The following SORCS3 variants were observed in gnomAD, a reference collection of about 807,000 sequenced individuals.
The protein encoded by SORCS3 is sortilin related VPS10 domain containing receptor 3, also known as VPS10 domain-containing receptor SorCS3.
SORCS3 carries 57 observed loss-of-function variants against 146.3 expected under a neutral mutation model. The observed-to-expected ratio is 0.39, with a 90% CI of 0.31 to 0.49. SORCS3 has a LOEUF of 0.49. Ranked by LOEUF, SORCS3 falls within the 20% of genes least tolerant of loss-of-function variation. The pLI, the probability that SORCS3 is intolerant of heterozygous loss-of-function variation, is 0.92. For synonymous variants in SORCS3, 653 were observed against 618.5 expected, an observed-to-expected ratio of 1.06 and a Z score of -0.83; for missense variants, 1,341 against 1,575.5, an observed-to-expected ratio of 0.85 and a Z score of 2.52.
chr10:104,947,431 T>A (rs956071261), intron 3 of SORCS3, among the ~76,000 whole-genome samples: 9 of 152,110 alleles, frequency 5.9e-5, no homozygotes, highest in Non-Finnish European at 1.3e-4. Flanking sequence ...TTCATTCTCT[T>A]TCCTCTTGGG....
chr10:105,047,597 C>G (rs2055381971), intron 5 of SORCS3, among the ~76,000 whole-genome samples: 1 of 152,066 alleles, frequency 6.6e-6, no homozygotes, highest in African/African-American at 2.4e-5. Context: ...AAGAAGACAA[C>G]AGACATACTA....
chr10:104,794,363 T>C (rs978269227), intron 1 of SORCS3, among the ~76,000 whole-genome samples: 37 of 152,036 alleles, frequency 2.4e-4, no homozygotes, highest in African/African-American at 8.7e-4. Context: ...CTTTTTCTAT[T>C]ATGAAGCCAA....
intron 2 of SORCS3, among the ~76,000 whole-genome samples, chr10:104,865,426 T>A (rs929940762): frequency 2.6e-5 from 4 of 152,202 alleles, no homozygotes; most frequent in African/African-American, 9.7e-5. Context: ...CTATAAGTCA[T>A]CAAGTCTCCT....
rs2054999868 is a variant in SORCS3, at chr10:104,992,417, G to T, written c.954+14924G>T. 2.6e-5 allele frequency among the ~76,000 whole-genome samples: 4 copies of T among 152,318 alleles called. No homozygotes were observed. In the South Asian group the frequency reaches 8.3e-4, roughly 32 times the overall value. ...TATAAGCTAGACGTGTTTTGTTTCA[G>T]TTTTGGCATTTTGTTTTTGTTCTCC... On this transcript the variant is annotated intron_variant, in intron 4 of 26. Transcript: ENST00000369701.
intron 2 of SORCS3, among the ~76,000 whole-genome samples, chr10:104,863,787 C>A (rs2018431350): frequency 6.6e-6 from 1 of 152,196 alleles, no homozygotes; most frequent in Non-Finnish European, 1.5e-5. Context: ...TGCTCTGTAG[C>A]ATATCTTACA....
intron 2 of SORCS3, among the ~76,000 whole-genome samples, chr10:104,875,619 G>T (rs2018563696): frequency 6.6e-6 from 1 of 152,110 alleles, no homozygotes; most frequent in Non-Finnish European, 1.5e-5. Flanking sequence ...TGTCAGCATT[G>T]AAATGTTGAA....
chr10:104,974,570 A>G (rs953289601), intron 3 of SORCS3, among the ~76,000 whole-genome samples: 14 of 151,680 alleles, frequency 9.2e-5, no homozygotes, highest in African/African-American at 2.7e-4. Context: ...CCATCCTTTT[A>G]TTTTGAGCCT....
At chr10:104,792,191 G>C (rs1208624917) in intron 1 of SORCS3, among the ~76,000 whole-genome samples, 1 of 152,090 alleles carries the variant, frequency 6.6e-6, no homozygotes, top group East Asian at 1.9e-4. Context: ...GGGTGGTTCT[G>C]GTCTGAATTC....
At chr10:105,084,733 C>CTT (rs35594157) in intron 5 of SORCS3, among the ~76,000 whole-genome samples, 12 of 143,084 alleles carry the variant, frequency 8.4e-5, no homozygotes, top group East Asian at 2.1e-4. Flanking sequence ...GCTGCTTCTT[C>CTT]TTTTTTTTTT....
intron 2 of SORCS3, among the ~76,000 whole-genome samples, chr10:104,877,432 A>G (rs2018587548): frequency 6.6e-6 from 1 of 152,164 alleles, no homozygotes; most frequent in Admixed American, 6.5e-5. Flanking sequence ...ATACACTTAC[A>G]GTGCCTCTCA....
At chr10:105,158,281 A>G (rs1358972516) in intron 10 of SORCS3, among the ~76,000 whole-genome samples, 2 of 152,206 alleles carry the variant, frequency 1.3e-5, no homozygotes, top group African/African-American at 4.8e-5. Flanking sequence ...TAAATCCCCA[A>G]GCCCTTTTAA....
chr10:104,865,805 A>G (rs748204882), intron 2 of SORCS3, among the ~76,000 whole-genome samples: 1 of 152,244 alleles, frequency 6.6e-6, no homozygotes, highest in African/African-American at 2.4e-5. Flanking sequence ...TGCATCTGAC[A>G]ATGAAAAACC....
At chr10:105,169,880 TG>T (rs2056345553) in intron 13 of SORCS3, among the ~76,000 whole-genome samples, 1 of 152,126 alleles carries the variant, frequency 6.6e-6, no homozygotes, top group East Asian at 1.9e-4. Flanking sequence ...ATAAGAGAGT[TG>T]ATAAATGTCC....
chr10:105,152,533 C>T (rs748718912), intron 9 of SORCS3, among the ~76,000 whole-genome samples: 9 of 151,986 alleles, frequency 5.9e-5, no homozygotes, highest in Non-Finnish European at 1.2e-4. Flanking sequence ...AATACTTGAT[C>T]GGTATTTAAC....
At chr10:104,941,727 G>C (rs2019322237) in intron 3 of SORCS3, among the ~76,000 whole-genome samples, 1 of 152,132 alleles carries the variant, frequency 6.6e-6, no homozygotes, top group African/African-American at 2.4e-5. Context: ...TCCCTGGGTA[G>C]GTCTAGATTA....
At chr10:104,914,452 C>T (rs2019004202) in intron 2 of SORCS3, among the ~76,000 whole-genome samples, 1 of 151,900 alleles carries the variant, frequency 6.6e-6, no homozygotes, top group South Asian at 2.1e-4. Context: ...GGCCCAGGGA[C>T]CAGGAATCTG....
rs1233525492 is a variant in SORCS3 at position 105,244,273 on chromosome 10, A to AT, written c.2869-1269_2869-1268insT. Among the ~76,000 whole-genome samples the AT allele has an allele frequency of 6.1e-4, 92 of 151,494 alleles. 1 individual carries two copies. Among genetic ancestry groups the AT allele is most frequent in the East Asian group, 1.7e-3 (9 of 5,152 alleles). Reference sequence around the variant, plus strand: ...CAAGATTCTTCTTTCCAGGAAAAAAAAATATATATATATATATAATTAGAG... The same window carrying AT: ...CAAGATTCTTCTTTCCAGGAAAAAAATAATATATATATATATATAATTAGAG... On this transcript the variant is annotated intron_variant, in intron 20 of 26. Coordinates refer to ENST00000369701, the MANE Select transcript of SORCS3 (RefSeq NM_014978.3).
chr10:105,011,437 A>G (rs2055135808), intron 4 of SORCS3, among the ~76,000 whole-genome samples: 1 of 152,160 alleles, frequency 6.6e-6, no homozygotes, highest in African/African-American at 2.4e-5. Context: ...TCTTTCGTGT[A>G]TCTGACTTCT....
chr10:104,747,134 C>T (rs143101657), intron 1 of SORCS3, among the ~76,000 whole-genome samples: 4 of 152,298 alleles, frequency 2.6e-5, no homozygotes, highest in East Asian at 3.9e-4. Flanking sequence ...TTCCAGAGAA[C>T]GTTGGTCCAT....
Sources: allele counts gnomAD v4.1 joint callset (sites outside exome capture counted in the v4.1 genomes callset), GRCh38; gene constraint gnomAD v4.1.1; transcripts MANE v1.5; gene names NCBI Gene and HGNC (gene_info 2026-07-23, HGNC 2026-07-21).